ZNF529: variants seen among roughly 807,000 people sequenced by gnomAD.
ZNF529 encodes zinc finger protein 529.
ZNF529 carries 11 observed loss-of-function variants against 10.1 expected under a neutral mutation model. The ratio of observed to expected loss-of-function variants is 1.09; its 90% CI spans 0.69 to 1.81. The LOEUF is 1.81. Ranked by LOEUF, ZNF529 falls within the 40% of genes most tolerant of loss-of-function variation. The pLI, the probability that ZNF529 is intolerant of heterozygous loss-of-function variation, is 0.00. For synonymous variants in ZNF529, 204 were observed against 215.7 expected, an observed-to-expected ratio of 0.95 and a Z score of 0.47; for missense variants, 624 against 666.8, an observed-to-expected ratio of 0.94 and a Z score of 0.71.
At chr19:36,601,956 A>G (rs975528289) in intron 1 of ZNF529, among the ~76,000 whole-genome samples, 1 of 151,924 alleles carries the variant, frequency 6.6e-6, no homozygotes, top group African/African-American at 2.4e-5. Flanking sequence ...TTTTTTAGAG[A>G]TAAGGTCTGG....
At chr19:36,591,462 G>A (rs2036712228) in intron 1 of ZNF529, among the ~76,000 whole-genome samples, 1 of 152,026 alleles carries the variant, frequency 6.6e-6, no homozygotes, top group African/African-American at 2.4e-5. Flanking sequence ...GCTCACACCT[G>A]TAATCCCAGC....
At chr19:36,563,966 C>T (rs2035807090) in intron 2 of ZNF529, among the ~76,000 whole-genome samples, 1 of 152,150 alleles carries the variant, frequency 6.6e-6, no homozygotes, top group African/African-American at 2.4e-5. Context: ...AAGTCACACA[C>T]CTACAACCAA....
At chr19:36,549,413 G>A (rs1393197763) in intron 4 of ZNF529, among the ~76,000 whole-genome samples, 1 of 151,918 alleles carries the variant, frequency 6.6e-6, no homozygotes, top group Non-Finnish European at 1.5e-5. Flanking sequence ...CTGTATGAAT[G>A]AATCTAAATA....
chr19:36,563,422 C>CA (rs34934234), intron 2 of ZNF529, among the ~76,000 whole-genome samples: 15,483 of 129,544 alleles, frequency 0.12, 956 homozygotes, highest in African/African-American at 0.2. Context: ...GATTGTGTCT[C>CA]AAAAAAAAAA....
intron 1 of ZNF529, among the ~76,000 whole-genome samples, chr19:36,602,740 G>T (rs1337865487): frequency 2.0e-5 from 3 of 152,122 alleles, no homozygotes; most frequent in African/African-American, 7.2e-5. Flanking sequence ...GGACCAGCCT[G>T]ATCAACATGG....
At chr19:36,586,462 G>A (rs955003341) in intron 2 of ZNF529, among the ~76,000 whole-genome samples, 3 of 151,942 alleles carry the variant, frequency 2.0e-5, no homozygotes, top group Non-Finnish European at 4.4e-5. Flanking sequence ...AAAATTAGCC[G>A]GGCGTGGTGG....
intron 4 of ZNF529, among the ~76,000 whole-genome samples, chr19:36,550,009 CT>C (rs1271121686): frequency 1.3e-5 from 2 of 152,108 alleles, no homozygotes; most frequent in African/African-American, 4.8e-5. Flanking sequence ...TTGGAAGGCA[CT>C]TTGTAGCAAA....
At chr19:36,584,467 C>T (rs1306366536) in intron 2 of ZNF529, among the ~76,000 whole-genome samples, 3 of 151,866 alleles carry the variant, frequency 2.0e-5, no homozygotes, top group Non-Finnish European at 4.4e-5. Context: ...TCAAAAGCAC[C>T]AGACAAAAAT....
rs768769416 is a variant in ZNF529 at position 36,564,444 on chromosome 19, A to C, written c.14+7889T>G. Among the ~76,000 whole-genome samples, 94 of 152,230 alleles carry C rather than the reference A, an allele frequency of 6.2e-4. 1 individual carries two copies. The highest frequency in any genetic ancestry group is 6.5e-4 in the Admixed American group (10 of 15,284). On this transcript the variant is annotated intron_variant, in intron 2 of 4. Coordinates refer to ENST00000591340, the MANE Select transcript of ZNF529 (RefSeq NM_020951.5). ...CACTAAAAGTGGGTAAAGGATATGAACAGACCCTTCTCAAAAGACATACAA... is the reference window on the plus strand; with the variant it reads ...CACTAAAAGTGGGTAAAGGATATGACCAGACCCTTCTCAAAAGACATACAA...
At chr19:36,581,320 A>G (rs1339296159) in intron 2 of ZNF529, 1 of 152,200 alleles carries the variant, frequency 6.6e-6, no homozygotes, top group Non-Finnish European at 1.5e-5. Flanking sequence ...ATAAGGGGAA[A>G]ATGTTTTGAA....
At chr19:36,565,873 TA>T (rs1240534963) in intron 2 of ZNF529, among the ~76,000 whole-genome samples, 1 of 152,138 alleles carries the variant, frequency 6.6e-6, no homozygotes, top group Non-Finnish European at 1.5e-5. Context: ...TATAAAAATG[TA>T]ATCTGTGACA....
At chr19:36,589,368 G>A (rs1370112063) in intron 2 of ZNF529, among the ~76,000 whole-genome samples, 3 of 152,126 alleles carry the variant, frequency 2.0e-5, no homozygotes, top group African/African-American at 7.2e-5. Flanking sequence ...TTAAATTGGA[G>A]GATACGCAGT....
At chr19:36,552,579 C>T (rs1186371110) in intron 4 of ZNF529, among the ~76,000 whole-genome samples, 2 of 152,198 alleles carry the variant, frequency 1.3e-5, no homozygotes, top group Non-Finnish European at 2.9e-5. Context: ...CTTTCTATCA[C>T]TGATTGGCCA....
chr19:36,566,882 T>C (rs1457438904), intron 2 of ZNF529, among the ~76,000 whole-genome samples: 1 of 151,924 alleles, frequency 6.6e-6, no homozygotes, highest in Non-Finnish European at 1.5e-5. Context: ...TAGCCTGGTG[T>C]GGTGGCAGGC....
chr19:36,585,078 C>G (rs1469048719), intron 2 of ZNF529, among the ~76,000 whole-genome samples: 1 of 152,148 alleles, frequency 6.6e-6, no homozygotes, highest in East Asian at 1.9e-4. Flanking sequence ...AAGATGAAGT[C>G]TGACCAGAAT....
chr19:36,570,000 A>G (rs550431342), intron 2 of ZNF529, among the ~76,000 whole-genome samples: 1 of 152,158 alleles, frequency 6.6e-6, no homozygotes, highest in Non-Finnish European at 1.5e-5. Context: ...ACTTCTGGGT[A>G]GGCTTGACTA....
chr19:36,556,306 A>C lies in ZNF529; in HGVS notation c.15-109T>G, dbSNP rs138960313. The C allele has an allele frequency of 2.7e-4, 180 of 664,418 alleles. No homozygotes were observed. The African/African-American group carries it at 2.9e-3, about 11-fold the overall frequency. 41.2% of individuals were successfully genotyped at this position (664,418 alleles called of 1,614,324 possible). ...TTAGTTTAAGAGAATCTCAAAAAACATGTTAAGAACTCTTAGAGTCTAGAC... is the reference window on the plus strand; with the variant it reads ...TTAGTTTAAGAGAATCTCAAAAAACCTGTTAAGAACTCTTAGAGTCTAGAC... On this transcript the variant is annotated intron_variant, in intron 2 of 4. Transcript: ENST00000591340.
chr19:36,583,125 A>G (rs1343973710), intron 2 of ZNF529, among the ~76,000 whole-genome samples: 1 of 152,142 alleles, frequency 6.6e-6, no homozygotes, highest in African/African-American at 2.4e-5. Context: ...TGGCATGATC[A>G]TGACTCACTA....
intron 1 of ZNF529, among the ~76,000 whole-genome samples, chr19:36,602,052 AT>A (rs35443863): frequency 0.16 from 23,426 of 145,524 alleles, 2,242 homozygotes; most frequent in Non-Finnish European, 0.22. Flanking sequence ...GAACGCTACA[AT>A]TTTTTTTTTT....
Sources: gnomAD v4.1 joint callset for allele counts (sites outside exome capture counted in the v4.1 genomes callset) on GRCh38, gnomAD v4.1.1 for gene constraint, MANE v1.5 for transcripts, NCBI Gene and HGNC (gene_info 2026-07-23, HGNC 2026-07-21) for gene names.